SORBS2: variants seen among roughly 807,000 people sequenced by gnomAD.
SORBS2 encodes sorbin and SH3 domain containing 2, also known as sorbin and SH3 domain-containing protein 2.
A neutral mutation model predicts 97.7 loss-of-function variants in SORBS2; 46 were observed. That is an observed-to-expected ratio of 0.47 (90% CI 0.37 to 0.60). The LOEUF is 0.60. Ranked by LOEUF, SORBS2 falls within the 20% of genes least tolerant of loss-of-function variation. The pLI is 0.00. For missense variants in SORBS2, 1,316 were observed against 1,282.3 expected (o/e 1.03, Z -0.40); for synonymous variants, 476 against 473.4 (o/e 1.01, Z -0.07).
At chr4:185,755,528 A>G (rs74401933) in intron 2 of SORBS2, among the ~76,000 whole-genome samples, 5,042 of 152,336 alleles carry the variant, frequency 0.033, 270 homozygotes, top group African/African-American at 0.11. Context: ...ACAACTTGAA[A>G]GTTGGTATAA....
intron 1 of SORBS2, among the ~76,000 whole-genome samples, chr4:185,888,245 G>T (rs1276705823): frequency 1.3e-5 from 2 of 152,082 alleles, no homozygotes; most frequent in African/African-American, 4.8e-5. Context: ...TGAAAACATG[G>T]TCTTTGGAGA....
At chr4:185,936,074 G>C (rs2099268801) in intron 1 of SORBS2, among the ~76,000 whole-genome samples, 1 of 152,134 alleles carries the variant, frequency 6.6e-6, no homozygotes, top group Non-Finnish European at 1.5e-5. Flanking sequence ...GGACAGGCTG[G>C]TCCTGAACTC....
Position 185,795,518 on chromosome 4 carries a change from T to C in SORBS2, c.-337-20152A>G, listed in dbSNP as rs530033313. On this transcript the variant is annotated intron_variant, in intron 1 of 20. Coordinates refer to the SORBS2 transcript ENST00000284776. The stretch of plus-strand genomic sequence containing the variant: ...TACATGTGGCTCCCGGGCACCTGCC[T>C]TGCTTGCACTGAGATGTGTTATCCT... Among the ~76,000 whole-genome samples, 11 of 152,292 alleles carry C rather than the reference T, an allele frequency of 7.2e-5. No individual in the cohort carries two copies. In the South Asian group the frequency reaches 2.3e-3, roughly 32 times the overall value.
chr4:185,928,650 A>C (rs977865397), intron 1 of SORBS2, among the ~76,000 whole-genome samples: 2 of 151,966 alleles, frequency 1.3e-5, no homozygotes, highest in African/African-American at 2.4e-5. Context: ...GGTTCATGCC[A>C]TTCTCCTGCC....
At chr4:185,883,853 A>C (rs985986362) in intron 1 of SORBS2, among the ~76,000 whole-genome samples, 3 of 152,238 alleles carry the variant, frequency 2.0e-5, no homozygotes, top group Non-Finnish European at 4.4e-5. Flanking sequence ...ATATCTAAAA[A>C]TAATTTTTTT....
intron 1 of SORBS2, among the ~76,000 whole-genome samples, chr4:185,870,979 T>C (rs1394224449): frequency 6.6e-6 from 1 of 152,216 alleles, no homozygotes; most frequent in East Asian, 1.9e-4. Context: ...TAGTGATTAC[T>C]GGACCCTCGG....
At chr4:185,844,603 T>C (rs1165121487) in intron 1 of SORBS2, among the ~76,000 whole-genome samples, 1 of 152,096 alleles carries the variant, frequency 6.6e-6, no homozygotes, top group African/African-American at 2.4e-5. Flanking sequence ...ACCCAGAAAT[T>C]CTACTCCTGT....
intron 2 of SORBS2, among the ~76,000 whole-genome samples, chr4:185,698,579 C>T (rs999072464): frequency 6.6e-6 from 1 of 152,050 alleles, no homozygotes; most frequent in Non-Finnish European, 1.5e-5. Flanking sequence ...ATTACAGTAC[C>T]CTGCTTAATT....
intron 1 of SORBS2, among the ~76,000 whole-genome samples, chr4:185,886,369 C>G (rs1350515315): frequency 6.6e-6 from 1 of 151,936 alleles, no homozygotes; most frequent in East Asian, 1.9e-4. Flanking sequence ...GCCTGGCTAA[C>G]ACAGTGAAAC....
intron 2 of SORBS2, among the ~76,000 whole-genome samples, chr4:185,752,187 G>A (rs28694150): frequency 0.19 from 28,442 of 152,138 alleles, 2,811 homozygotes; most frequent in Middle Eastern, 0.27. Flanking sequence ...TTAACATTAT[G>A]CATTTATTAA....
chr4:185,699,247 T>A (rs1327183079), intron 2 of SORBS2, among the ~76,000 whole-genome samples: 2 of 151,218 alleles, frequency 1.3e-5, no homozygotes, highest in Non-Finnish European at 3.0e-5. Flanking sequence ...ATTTAAGTAA[T>A]ACATTACTTA....
chr4:185,616,710 T>C (rs1369813689), intron 9 of SORBS2, among the ~76,000 whole-genome samples: 2 of 152,200 alleles, frequency 1.3e-5, no homozygotes, highest in Admixed American at 1.3e-4. Flanking sequence ...ATCTCAGACC[T>C]AGAATTTTAA....
chr4:185,682,395 G>T (rs2097884474), intron 2 of SORBS2, among the ~76,000 whole-genome samples: 1 of 152,186 alleles, frequency 6.6e-6, no homozygotes, highest in South Asian at 2.1e-4. Flanking sequence ...AAATATCCGT[G>T]TGTGCTCTGA....
At chr4:185,768,357 C>T (rs1316386660) in intron 2 of SORBS2, among the ~76,000 whole-genome samples, 1 of 152,100 alleles carries the variant, frequency 6.6e-6, no homozygotes, top group African/African-American at 2.4e-5. Flanking sequence ...CATTTCAAGA[C>T]CATATCAAAG....
intron 4 of SORBS2, chr4:185,676,853 A>C: frequency 1.5e-6 from 1 of 657,312 alleles, no homozygotes; most frequent in Non-Finnish European, 2.5e-6. Flanking sequence ...TAGGGTTTTA[A>C]ATTGGAAAAT....
At chr4:185,609,603 G>A (rs897447310) in intron 12 of SORBS2, among the ~76,000 whole-genome samples, 1 of 152,106 alleles carries the variant, frequency 6.6e-6, no homozygotes, top group Non-Finnish European at 1.5e-5. Flanking sequence ...CAATTATTTT[G>A]TTTTCCAAAA....
intron 1 of SORBS2, among the ~76,000 whole-genome samples, chr4:185,850,997 C>G (rs775193523): frequency 2.4e-4 from 36 of 152,164 alleles, no homozygotes; most frequent in Non-Finnish European, 5.0e-4. Flanking sequence ...TTCTTGGGCT[C>G]TCAGACTCAG....
intron 2 of SORBS2, among the ~76,000 whole-genome samples, chr4:185,682,616 C>T (rs2153505951): frequency 6.6e-6 from 1 of 152,306 alleles, no homozygotes; most frequent in Non-Finnish European, 1.5e-5. Context: ...TTTTGATTCA[C>T]ATATAGACAC....
At chr4:185,755,696 A>C (rs1312595201) in intron 2 of SORBS2, among the ~76,000 whole-genome samples, 1 of 152,208 alleles carries the variant, frequency 6.6e-6, no homozygotes, top group Non-Finnish European at 1.5e-5. Flanking sequence ...CAGACCACAA[A>C]GGCTAAAGGT....
Sources: gnomAD v4.1 joint callset for allele counts (sites outside exome capture counted in the v4.1 genomes callset) on GRCh38, gnomAD v4.1.1 for gene constraint, MANE v1.5 for transcripts, NCBI Gene and HGNC (gene_info 2026-07-23, HGNC 2026-07-21) for gene names.